Variants in ANKAR observed in about 807,000 individuals in gnomAD.
ANKAR encodes the protein ankyrin and armadillo repeat-containing protein.
A neutral mutation model predicts 146.2 loss-of-function variants in ANKAR; 136 were observed. The ratio of observed to expected loss-of-function variants is 0.93; its 90% CI spans 0.81 to 1.07. ANKAR has a LOEUF of 1.07. ANKAR is among the 50% of genes least tolerant of loss of function. The probability of loss-of-function intolerance (pLI) is 0.00; values close to 1 mark genes in which losing one functional copy is unlikely to be tolerated. For missense variants in ANKAR, 1,567 were observed against 1,679.9 expected (o/e 0.93, Z 1.18); for synonymous variants, 500 against 575.8 (o/e 0.87, Z 1.88).
intron 7 of ANKAR, among the ~76,000 whole-genome samples, chr2:189,698,676 A>G (rs899517319): frequency 1.9e-4 from 29 of 152,356 alleles, no homozygotes; most frequent in Admixed American, 1.2e-3. Context: ...CAAATTGGCC[A>G]TCTTCCGTTA....
intron 18 of ANKAR, chr2:189,755,098 G>C (rs979327756): frequency 5.1e-5 from 75 of 1,477,410 alleles, no homozygotes; most frequent in Non-Finnish European, 6.9e-5. Context: ...GGTGAATGGT[G>C]GTAGCACATC....
Position 189,728,665 on chromosome 2 carries a change from G to A in ANKAR, c.3037G>A (p.Glu1013Lys), listed in dbSNP as rs765420164. Residue 1013 changes from glutamate (E) to lysine (K), a missense_variant, in exon 15 of 23, where the codon GAA (glutamate) becomes AAA (lysine). Transcript: ENST00000684021. ...PSAKMQYVGGEAVIALSKDSR... is the reference protein window; with the variant it reads ...PSAKMQYVGGKAVIALSKDSR... The stretch of plus-strand genomic sequence containing the variant: ...ATCTTGCTTTTCTTTATCAGGAGGT[G>A]AAGCTGTCATAGCTCTAAGTAAGGA... 3.7e-6 allele frequency: 6 copies of A among 1,613,386 alleles called. No homozygotes were observed. Among genetic ancestry groups the A allele is most frequent in the Non-Finnish European group, 5.1e-6 (6 of 1,179,700 alleles).
chr2:189,759,507 C>T (rs967351417), intron 18 of ANKAR, among the ~76,000 whole-genome samples: 1 of 152,178 alleles, frequency 6.6e-6, no homozygotes, highest in African/African-American at 2.4e-5. Flanking sequence ...GCCTCGGCCT[C>T]CCAAAGTGAT....
chr2:189,741,029 T>C (rs187869315), intron 19 of ANKAR, among the ~76,000 whole-genome samples: 9 of 152,310 alleles, frequency 5.9e-5, no homozygotes, highest in Non-Finnish European at 7.3e-5. Context: ...ATTATGTTCA[T>C]AGTTATTTTT....
intron 18 of ANKAR, among the ~76,000 whole-genome samples, chr2:189,756,851 GC>G (rs2046165076): frequency 6.6e-6 from 1 of 152,132 alleles, no homozygotes; most frequent in South Asian, 2.1e-4. Context: ...ATACTCTAAA[GC>G]ACATGCTACC....
At chr2:189,685,090 C>G (rs773845627) in intron 2 of ANKAR, among the ~76,000 whole-genome samples, 36 of 152,128 alleles carry the variant, frequency 2.4e-4, no homozygotes, top group Non-Finnish European at 3.5e-4. Context: ...ATTGCAGCCT[C>G]AGACTCCTGG....
At chr2:189,716,201 G>T (rs1357229972) in intron 10 of ANKAR, among the ~76,000 whole-genome samples, 1 of 152,180 alleles carries the variant, frequency 6.6e-6, no homozygotes. Flanking sequence ...CACTGTCTCA[G>T]TCCAAAATCT....
chr2:189,740,579 T>C (rs2043232531), intron 19 of ANKAR, among the ~76,000 whole-genome samples: 1 of 151,704 alleles, frequency 6.6e-6, no homozygotes, highest in African/African-American at 2.4e-5. Flanking sequence ...TCTGAAAACA[T>C]TTACTTTTAT....
At chr2:189,756,087 T>C (rs1432661876) in intron 18 of ANKAR, among the ~76,000 whole-genome samples, 1 of 152,194 alleles carries the variant, frequency 6.6e-6, no homozygotes, top group Non-Finnish European at 1.5e-5. Flanking sequence ...TCAGCTGGAA[T>C]GACCGGGAGA....
At chr2:189,712,307 C>T (rs899187771) in intron 10 of ANKAR, among the ~76,000 whole-genome samples, 5 of 152,228 alleles carry the variant, frequency 3.3e-5, no homozygotes, top group Admixed American at 3.3e-4. Context: ...GTGGGTCCCT[C>T]ACCCCCTTGT....
At chr2:189,679,939 T>G (rs2034390247) in intron 2 of ANKAR, among the ~76,000 whole-genome samples, 1 of 152,210 alleles carries the variant, frequency 6.6e-6, no homozygotes, top group South Asian at 2.1e-4. Context: ...TTTCCTGGTT[T>G]GGATATTAGG....
chr2:189,734,735 G>A (rs1259440920), intron 17 of ANKAR, among the ~76,000 whole-genome samples: 5 of 152,060 alleles, frequency 3.3e-5, no homozygotes, highest in Non-Finnish European at 7.4e-5. Flanking sequence ...AGGTCGAGGT[G>A]GGCAGATCGC....
chr2:189,760,558 C>T (rs1408745243), intron 18 of ANKAR, among the ~76,000 whole-genome samples: 5 of 152,116 alleles, frequency 3.3e-5, no homozygotes, highest in African/African-American at 4.8e-5. Flanking sequence ...TTTGGGAGGC[C>T]GAGGTAGGTG....
At chr2:189,748,236 T>A (rs1433779901), downstream of ANKAR, among the ~76,000 whole-genome samples, 1 of 152,232 alleles carries the variant, frequency 6.6e-6, no homozygotes, top group African/African-American at 2.4e-5. Flanking sequence ...AGGGTCTTGC[T>A]CTGTTACCCA....
intron 12 of ANKAR, among the ~76,000 whole-genome samples, chr2:189,724,099 G>A (rs1433330401): frequency 1.3e-5 from 2 of 152,138 alleles, no homozygotes; most frequent in Non-Finnish European, 2.9e-5. Context: ...TTCTTCTCAT[G>A]GGGAAGAATG....
rs1451953949 is a variant in ANKAR at position 189,696,179 on chromosome 2, T to C, written c.1518T>C (p.Val506=). The change falls in exon 7 of 23, where the codon GTT becomes GTC. Residue 506 remains valine (V), a synonymous_variant. Coordinates refer to ENST00000684021, the MANE Select transcript of ANKAR (RefSeq NM_001378068.1). ...KSIPFGMKSA[V]ERGLSAVFHT... is the part of the protein sequence containing the mutation. Reference sequence around the variant, plus strand: ...TTCCATTTGGTATGAAGTCCGCTGTTGAAAGAGGGTTGTCTGCAGTTTTCC... The same window carrying C: ...TTCCATTTGGTATGAAGTCCGCTGTCGAAAGAGGGTTGTCTGCAGTTTTCC... The C allele has an allele frequency of 6.2e-7, 1 of 1,614,072 alleles. No individual in the cohort carries two copies.
chr2:189,744,748 G>T lies in ANKAR; in HGVS notation c.4017G>T (p.Glu1339Asp). 1.3e-6 allele frequency: 2 copies of T among 1,592,744 alleles called. No individual in the cohort carries two copies. The highest frequency in any genetic ancestry group is 8.6e-7 in the Non-Finnish European group (1 of 1,164,382). Residue 1339 changes from glutamate to aspartate, a missense_variant, in exon 22 of 23, where the codon GAG becomes GAT. Glu to Asp is a conservative substitution (Grantham distance 45). Coordinates refer to ENST00000684021, the MANE Select transcript of ANKAR (RefSeq NM_001378068.1). ...TLVGLPSLSL[E>D]KNGGPSIIPI... ...AAAAATGTTTTCCTTTTAGTCTGGA[G>T]AAGAATGGAGGACCATCCATAATTC...
At chr2:189,716,054 C>T (rs1206240292) in intron 10 of ANKAR, among the ~76,000 whole-genome samples, 1 of 152,184 alleles carries the variant, frequency 6.6e-6, no homozygotes, top group Non-Finnish European at 1.5e-5. Flanking sequence ...TCTCTCACCA[C>T]TCCTATTCAA....
rs112492446 is a variant in ANKAR, at chr2:189,752,669, T to A, written c.*584+7881T>A. ...ACCACATACTTTGGTTCATAGCGGA[T>A]GCCTTCTATGTCATGTAAAATGCCC... On this transcript the variant is annotated intron_variant and NMD_transcript_variant, in intron 18 of 18. Coordinates refer to the ANKAR transcript ENST00000441800. 9 of 1,613,830 alleles carry A rather than the reference T, an allele frequency of 5.6e-6. No individual in the cohort carries two copies. The highest frequency in any genetic ancestry group is 5.9e-6 in the Non-Finnish European group (7 of 1,179,848).
Sources: gnomAD v4.1 joint callset for allele counts (sites outside exome capture counted in the v4.1 genomes callset) on GRCh38, gnomAD v4.1.1 for gene constraint, MANE v1.5 for transcripts, NCBI Gene and HGNC (gene_info 2026-07-23, HGNC 2026-07-21) for gene names.